PHLDB3: variants seen among roughly 807,000 people sequenced by gnomAD.
PHLDB3 encodes pleckstrin homology-like domain family B member 3.
A neutral mutation model predicts 85.7 loss-of-function variants in PHLDB3; 86 were observed. The ratio of observed to expected loss-of-function variants is 1.00; its 90% CI spans 0.84 to 1.20. PHLDB3 has a LOEUF of 1.20. Ranked by LOEUF, PHLDB3 falls within the 50% of genes most tolerant of loss-of-function variation. PHLDB3 has a pLI of 0.00. For synonymous variants in PHLDB3, 376 were observed against 349.8 expected, an observed-to-expected ratio of 1.07 and a Z score of -0.83; for missense variants, 995 against 873.0, an observed-to-expected ratio of 1.14 and a Z score of -1.76.
At chr19:43,499,656 T>C (rs908177341) in intron 4 of PHLDB3, among the ~76,000 whole-genome samples, 3 of 151,956 alleles carry the variant, frequency 2.0e-5, no homozygotes, top group Non-Finnish European at 4.4e-5. Context: ...ACTGACAAAA[T>C]CACAAGTCAC....
At position 43,479,385 on chromosome 19, in the gene PHLDB3, T is replaced by A. The variant is rs1322017556; in HGVS notation, c.1694A>T (p.Tyr565Phe). 6.4e-7 allele frequency: 1 copy of A among 1,562,682 alleles called. No homozygotes were observed. Among genetic ancestry groups the A allele is most frequent in the Non-Finnish European group, 8.7e-7 (1 of 1,154,078 alleles). Reference protein sequence around the residue: ...CFDRQARRLAYYADKEETKLK... With the variant: ...CFDRQARRLAFYADKEETKLK... ...GGCCAGGCTGGGCTTACCCGCATAG[T>A]AGGCCAAGCGGCGGGCTTGGCGGTC... Residue 565 changes from tyrosine to phenylalanine, a missense_variant, in exon 14 of 16, where the codon TAC becomes TTC. Tyr to Phe is a conservative substitution (Grantham distance 22, BLOSUM62 3). Coordinates refer to ENST00000292140, the MANE Select transcript of PHLDB3 (RefSeq NM_198850.4).
At position 43,494,692 on chromosome 19, in the gene PHLDB3, G is replaced by A. The variant is rs1390776938; in HGVS notation, c.1149+10C>T. 6.3e-7 allele frequency: 1 copy of A among 1,598,314 alleles called. No homozygotes were observed. Among genetic ancestry groups the A allele is most frequent in the Admixed American group, 1.7e-5 (1 of 58,882 alleles). On this transcript the variant is annotated intron_variant, in intron 9 of 15. Coordinates refer to ENST00000292140, the MANE Select transcript of PHLDB3 (RefSeq NM_198850.4). The stretch of plus-strand genomic sequence containing the variant: ...GATATATGGGGAAACAGAGGCCGTG[G>A]GGGAGGCACCTGCAGGGAGCTGTGG...
chr19:43,486,427 G>A (rs1386821755), intron 12 of PHLDB3, 105 bp from the exon 13 acceptor site: 2 of 1,303,796 alleles, frequency 1.5e-6, no homozygotes, highest in Non-Finnish European at 2.1e-6. Flanking sequence ...AGGGACTGGG[G>A]GCCTGGACTC....
At chr19:43,479,076 C>T (rs1970983983) in intron 14 of PHLDB3, among the ~76,000 whole-genome samples, 1 of 152,142 alleles carries the variant, frequency 6.6e-6, no homozygotes, top group Admixed American at 6.6e-5. Context: ...GTCTTAGGAA[C>T]ATGGGCCCTG....
chr19:43,487,682 G>A (rs1003491846), intron 9 of PHLDB3, among the ~76,000 whole-genome samples: 14 of 151,800 alleles, frequency 9.2e-5, no homozygotes, highest in Admixed American at 7.9e-4. Context: ...GGGGTAGATC[G>A]GGGAACCGAG....
intron 3 of PHLDB3, 92 bp downstream of exon 3, chr19:43,502,009 A>G: frequency 4.7e-6 from 7 of 1,500,548 alleles, no homozygotes; most frequent in Non-Finnish European, 6.2e-6. Context: ...AGGGCCTAAA[A>G]TCTGATCCCA....
chr19:43,491,518 T>A (rs1252164305), intron 9 of PHLDB3, among the ~76,000 whole-genome samples: 1 of 152,098 alleles, frequency 6.6e-6, no homozygotes, highest in Non-Finnish European at 1.5e-5. Context: ...TTTTTTTTTT[T>A]TAAGATGGAG....
intron 15 of PHLDB3, among the ~76,000 whole-genome samples, chr19:43,476,369 G>T (rs924568426): frequency 6.6e-6 from 1 of 152,186 alleles, no homozygotes; most frequent in Non-Finnish European, 1.5e-5. Flanking sequence ...GGCCGGCCGG[G>T]CTGGGTGGCT....
chr19:43,493,609 G>A (rs915143794), intron 9 of PHLDB3, among the ~76,000 whole-genome samples: 1 of 150,454 alleles, frequency 6.6e-6, no homozygotes, highest in Non-Finnish European at 1.5e-5. Context: ...TCTAGCCTGG[G>A]CAACAGAGTG....
chr19:43,501,530 G>A, intron 4 of PHLDB3: 1 of 964,940 alleles, frequency 1.0e-6, no homozygotes, highest in South Asian at 1.7e-5. Context: ...CAAACGGACA[G>A]GGGACAAAGG....
At chr19:43,495,171 T>G in intron 8 of PHLDB3, 85 bp downstream of exon 8, 1 of 538,518 alleles carries the variant, frequency 1.9e-6, no homozygotes, top group South Asian at 2.7e-5. Context: ...GGGCCTGGAC[T>G]CCTGCGTCTG....
chr19:43,477,120 A>C (rs2599438), intron 15 of PHLDB3, among the ~76,000 whole-genome samples: 33,480 of 152,062 alleles, frequency 0.22, 3,743 homozygotes, highest in Non-Finnish European at 0.24. Context: ...TCTCCTTTAG[A>C]TGCTCCCAGG....
chr19:43,486,168 A>T, intron 13 of PHLDB3, 98 bp downstream of exon 13: 1 of 1,337,922 alleles, frequency 7.5e-7, no homozygotes. Context: ...TTTCTGTTCA[A>T]TTGGAGGAGA....
At position 43,475,355 on chromosome 19, in the gene PHLDB3, G is replaced by GC; in HGVS notation, c.*54dup. 6.3e-7 allele frequency: 1 copy of GC among 1,595,672 alleles called. No individual in the cohort carries two copies. The highest frequency in any genetic ancestry group is 8.6e-7 in the Non-Finnish European group (1 of 1,169,296). The stretch of plus-strand genomic sequence containing the variant: ...GTGGGCGGGGCCTAGGAACGCCCCC[G>GC]CGCCCCGCGCCGGCGGAGCCTCGAA... On this transcript the variant is annotated 3_prime_UTR_variant, in exon 16 of 16. Transcript: ENST00000292140.
intron 7 of PHLDB3, 51 bp downstream of exon 7, chr19:43,495,444 C>A: frequency 1.2e-6 from 2 of 1,601,734 alleles, no homozygotes; most frequent in Non-Finnish European, 1.7e-6. Context: ...TGGTGGGATG[C>A]CCCAGGGGGA....
At chr19:43,492,855 A>T (rs1971353031) in intron 9 of PHLDB3, among the ~76,000 whole-genome samples, 1 of 152,180 alleles carries the variant, frequency 6.6e-6, no homozygotes, top group Non-Finnish European at 1.5e-5. Context: ...ATAATGACTC[A>T]ATAAAACCAT....
At chr19:43,476,300 T>A (rs1183632747) in intron 15 of PHLDB3, among the ~76,000 whole-genome samples, 1 of 152,104 alleles carries the variant, frequency 6.6e-6, no homozygotes, top group African/African-American at 2.4e-5. Context: ...TTTTTAGCCC[T>A]CTCAATAACC....
At chr19:43,477,459 G>A (rs147428539) in intron 15 of PHLDB3, among the ~76,000 whole-genome samples, 5 of 149,962 alleles carry the variant, frequency 3.3e-5, no homozygotes, top group Non-Finnish European at 7.4e-5. Flanking sequence ...AGAGGTTGCA[G>A]TGAGCCAAGA....
At position 43,497,868 on chromosome 19, in the gene PHLDB3, C is replaced by T. The variant is rs1394971149; in HGVS notation, c.543G>A (p.Arg181=). The part of the protein sequence containing the change: ...RGRQQREQEQ[R]RLSQERDRLE... The stretch of plus-strand genomic sequence containing the variant: ...GGCGATCCCGTTCCTGGCTCAGCCG[C>T]CTCTGTTCCTGAAAGAACAACAAGG... Residue 181 remains arginine (R), a synonymous_variant, in exon 5 of 16, where the codon AGG becomes AGA. Coordinates refer to ENST00000292140, the MANE Select transcript of PHLDB3 (RefSeq NM_198850.4). 3 of 1,589,122 alleles carry T rather than the reference C, an allele frequency of 1.9e-6. No homozygotes were observed. The highest frequency in any genetic ancestry group is 2.6e-6 in the Non-Finnish European group (3 of 1,168,342).
Sources: allele counts gnomAD v4.1 joint callset (sites outside exome capture counted in the v4.1 genomes callset), GRCh38; gene constraint gnomAD v4.1.1; transcripts MANE v1.5; gene names NCBI Gene and HGNC (gene_info 2026-07-23, HGNC 2026-07-21).